EYA1: variants seen among roughly 807,000 people sequenced by gnomAD.
EYA1 encodes the protein protein phosphatase EYA1.
A neutral mutation model predicts 82.0 loss-of-function variants in EYA1; 16 were observed. The observed-to-expected ratio is 0.20, with a 90% CI of 0.13 to 0.30. The LOEUF is 0.30. Ranked by LOEUF, EYA1 falls within the 10% of genes least tolerant of loss-of-function variation. The probability of loss-of-function intolerance (pLI) is 1.00; values close to 1 mark genes in which losing one functional copy is unlikely to be tolerated. For missense variants in EYA1, 633 were observed against 730.7 expected, an observed-to-expected ratio of 0.87 and a Z score of 1.54; for synonymous variants, 261 against 264.4, an observed-to-expected ratio of 0.99 and a Z score of 0.12.
intron 2 of EYA1, among the ~76,000 whole-genome samples, chr8:71,466,904 T>G (rs985823045): frequency 6.6e-6 from 1 of 152,134 alleles, no homozygotes; most frequent in Non-Finnish European, 1.5e-5. Flanking sequence ...TCATCTAACA[T>G]GTAAATTTTA....
At chr8:71,376,594 T>C (rs1828386648) in intron 2 of EYA1, among the ~76,000 whole-genome samples, 1 of 152,134 alleles carries the variant, frequency 6.6e-6, no homozygotes, top group Non-Finnish European at 1.5e-5. Context: ...TCTGGGCAAC[T>C]GATGATATGT....
intron 16 of EYA1, among the ~76,000 whole-genome samples, chr8:71,213,497 T>C (rs1172366535): frequency 2.0e-5 from 3 of 152,254 alleles, no homozygotes; most frequent in African/African-American, 4.8e-5. Context: ...TTTGCTATTT[T>C]TATGGAACAT....
intron 2 of EYA1, among the ~76,000 whole-genome samples, chr8:71,367,476 C>G (rs55732288): frequency 6.6e-6 from 1 of 151,622 alleles, no homozygotes; most frequent in African/African-American, 2.4e-5. Flanking sequence ...AGGGAACCCC[C>G]AAACCTAATA....
chr8:71,513,142 T>C lies in EYA1; in HGVS notation c.33+22602A>G, dbSNP rs184269344. Among the ~76,000 whole-genome samples, 303 of 152,278 alleles carry C rather than the reference T, an allele frequency of 2.0e-3. 1 individual carries two copies. Among genetic ancestry groups the C allele is most frequent in the Non-Finnish European group, 3.3e-3 (224 of 67,986 alleles). ...CACTCTCAAACTTGCACAAAATCAATGAGCATATAGCTCTTCTTGAAAAAT... is the reference window on the plus strand; with the variant it reads ...CACTCTCAAACTTGCACAAAATCAACGAGCATATAGCTCTTCTTGAAAAAT... On this transcript the variant is annotated intron_variant, in intron 2 of 18. Coordinates refer to the EYA1 transcript ENST00000643681.
chr8:71,359,388 T>C (rs1456910120), intron 1 of EYA1, among the ~76,000 whole-genome samples: 2 of 152,160 alleles, frequency 1.3e-5, no homozygotes, highest in Admixed American at 1.3e-4. Context: ...CCCCAGAAAT[T>C]ATTTCCAGAA....
At chr8:71,521,086 T>G (rs1399422474) in intron 2 of EYA1, among the ~76,000 whole-genome samples, 1 of 152,030 alleles carries the variant, frequency 6.6e-6, no homozygotes, top group Non-Finnish European at 1.5e-5. Flanking sequence ...AAAATCTTTA[T>G]TTTTTTCTAA....
At chr8:71,431,601 C>T (rs979611715) in intron 2 of EYA1, among the ~76,000 whole-genome samples, 10 of 152,188 alleles carry the variant, frequency 6.6e-5, no homozygotes, top group African/African-American at 2.4e-4. Context: ...ATTGTGCCTT[C>T]TCCAAGAAGA....
intron 3 of EYA1, among the ~76,000 whole-genome samples, chr8:71,348,784 G>A (rs1431037160): frequency 6.6e-6 from 1 of 152,090 alleles, no homozygotes; most frequent in Non-Finnish European, 1.5e-5. Flanking sequence ...GCACGTTCTC[G>A]ACTCTCAGAT....
At chr8:71,239,331 G>C (rs894193906) in intron 12 of EYA1, among the ~76,000 whole-genome samples, 1 of 152,096 alleles carries the variant, frequency 6.6e-6, no homozygotes, top group African/African-American at 2.4e-5. Context: ...CAACCTACCT[G>C]AAAACACAGG....
chr8:71,389,210 T>C (rs909004411), intron 2 of EYA1, among the ~76,000 whole-genome samples: 2 of 152,168 alleles, frequency 1.3e-5, no homozygotes, highest in African/African-American at 2.4e-5. Context: ...ATATTTTCAT[T>C]GTTTTTTTAT....
chr8:71,311,425 C>A lies in EYA1; in HGVS notation c.556+6127G>T, dbSNP rs73290101. The stretch of plus-strand genomic sequence containing the variant: ...CCCCGTTTCACTATTGTGGCCAGTG[C>A]CCTTTGATTGGTAAGCAGCAGTAAA... On this transcript the variant is annotated intron_variant, in intron 7 of 17. Transcript: ENST00000340726. Among the ~76,000 whole-genome samples, 1,088 of 152,272 alleles carry A rather than the reference C, an allele frequency of 7.1e-3. 22 individuals are homozygous for A. Among genetic ancestry groups the A allele is most frequent in the African/African-American group, 0.025 (1,026 of 41,554 alleles).
intron 2 of EYA1, among the ~76,000 whole-genome samples, chr8:71,376,148 G>A (rs946944133): frequency 6.6e-6 from 1 of 152,180 alleles, no homozygotes; most frequent in African/African-American, 2.4e-5. Flanking sequence ...TGAAGGGGGT[G>A]TCATTTGAGT....
intron 2 of EYA1, chr8:71,470,935 TAA>T (rs759983790): frequency 5.6e-5 from 21 of 372,632 alleles, no homozygotes; most frequent in South Asian, 1.3e-4. Flanking sequence ...CAATGGGCTT[TAA>T]AAAAAAAAGG....
chr8:71,502,119 C>G (rs1811854284), intron 2 of EYA1, among the ~76,000 whole-genome samples: 1 of 152,168 alleles, frequency 6.6e-6, no homozygotes, highest in Admixed American at 6.5e-5. Flanking sequence ...AAAAATGTCT[C>G]TCTCAGTAAA....
At chr8:71,235,447 G>A (rs920113376) in intron 12 of EYA1, among the ~76,000 whole-genome samples, 4 of 152,022 alleles carry the variant, frequency 2.6e-5, no homozygotes, top group Non-Finnish European at 5.9e-5. Flanking sequence ...TATCCTTGCA[G>A]TTGCTTCCCT....
At chr8:71,274,491 T>C (rs1310069242) in intron 9 of EYA1, among the ~76,000 whole-genome samples, 3 of 152,178 alleles carry the variant, frequency 2.0e-5, no homozygotes, top group Admixed American at 6.5e-5. Flanking sequence ...ACTGAGATAC[T>C]GGATGTGAAA....
At chr8:71,219,477 G>A (rs777096919) in intron 12 of EYA1, among the ~76,000 whole-genome samples, 1 of 152,104 alleles carries the variant, frequency 6.6e-6, no homozygotes, top group Non-Finnish European at 1.5e-5. Context: ...CTATGTAATT[G>A]TTGCTTATTT....
At chr8:71,349,956 T>G (rs1207934284) in intron 3 of EYA1, among the ~76,000 whole-genome samples, 2 of 152,196 alleles carry the variant, frequency 1.3e-5, no homozygotes, top group Non-Finnish European at 1.5e-5. Context: ...ATATACAACA[T>G]AGGAAAATAT....
intron 1 of EYA1, among the ~76,000 whole-genome samples, chr8:71,542,996 C>A (rs1362131810): frequency 6.6e-6 from 1 of 151,922 alleles, no homozygotes; most frequent in Non-Finnish European, 1.5e-5. Context: ...TTTTCCCATT[C>A]TGTAGATTGT....
Sources: gnomAD v4.1 joint callset for allele counts (sites outside exome capture counted in the v4.1 genomes callset) on GRCh38, gnomAD v4.1.1 for gene constraint, MANE v1.5 for transcripts, NCBI Gene and HGNC (gene_info 2026-07-23, HGNC 2026-07-21) for gene names.